The following STXBP5 variants were observed in gnomAD, a reference collection of about 807,000 sequenced individuals.
STXBP5 encodes the protein syntaxin-binding protein 5.
A neutral mutation model predicts 152.4 loss-of-function variants in STXBP5; 50 were observed. The ratio of observed to expected loss-of-function variants is 0.33; its 90% CI spans 0.26 to 0.42. The LOEUF is 0.42. STXBP5 is among the 10% of genes least tolerant of loss of function. The pLI, the probability that STXBP5 is intolerant of heterozygous loss-of-function variation, is 1.00. For missense variants in STXBP5, 1,167 were observed against 1,388.6 expected, an observed-to-expected ratio of 0.84 and a Z score of 2.54; for synonymous variants, 492 against 494.7, an observed-to-expected ratio of 0.99 and a Z score of 0.07.
chr6:147,265,865 A>C (rs1318122333), intron 6 of STXBP5, among the ~76,000 whole-genome samples: 1 of 152,102 alleles, frequency 6.6e-6, no homozygotes, highest in Non-Finnish European at 1.5e-5. Flanking sequence ...CGATAATTCA[A>C]ATAAGGAAAA....
At chr6:147,332,651 G>A (rs1783633307) in intron 18 of STXBP5, among the ~76,000 whole-genome samples, 2 of 152,154 alleles carry the variant, frequency 1.3e-5, no homozygotes, top group Non-Finnish European at 2.9e-5. Context: ...AGAGGTAACA[G>A]GATACAGTAT....
At position 147,390,208 on chromosome 6, in the gene STXBP5, C is replaced by T. The variant is rs1786526864; in HGVS notation, c.*5453C>T. ...GTATTGTTTCATCTAAAAAGAAAAGCACTATTGGAAACACTAAAAACGTGT... is the reference window on the plus strand; with the variant it reads ...GTATTGTTTCATCTAAAAAGAAAAGTACTATTGGAAACACTAAAAACGTGT... On this transcript the variant is annotated 3_prime_UTR_variant, in exon 28 of 28. Coordinates refer to ENST00000321680, the MANE Select transcript of STXBP5 (RefSeq NM_001127715.4). 6.6e-6 allele frequency: 1 copy of T among 151,890 alleles called. No individual in the cohort carries two copies. The highest frequency in any genetic ancestry group is 6.6e-5 in the Admixed American group (1 of 15,218). 9.4% of individuals were successfully genotyped at this position (151,890 alleles called of 1,614,324 possible).
At chr6:147,242,714 C>G (rs142595980) in intron 4 of STXBP5, among the ~76,000 whole-genome samples, 1 of 152,270 alleles carries the variant, frequency 6.6e-6, no homozygotes, top group African/African-American at 2.4e-5. Flanking sequence ...CTGTACTATA[C>G]AGCCTAGGTG....
At chr6:147,366,494 A>C (rs1332675688) in intron 25 of STXBP5, among the ~76,000 whole-genome samples, 1 of 152,186 alleles carries the variant, frequency 6.6e-6, no homozygotes, top group African/African-American at 2.4e-5. Flanking sequence ...CTCCCTCCAG[A>C]GGCTCTAAAA....
chr6:147,225,624 T>G (rs1318091048), intron 2 of STXBP5, among the ~76,000 whole-genome samples: 1 of 152,218 alleles, frequency 6.6e-6, no homozygotes, highest in Non-Finnish European at 1.5e-5. Flanking sequence ...AAGTAGAGGT[T>G]GTCAGAATAT....
chr6:147,318,177 A>G (rs910525585), intron 16 of STXBP5, among the ~76,000 whole-genome samples: 8 of 152,294 alleles, frequency 5.3e-5, no homozygotes, highest in African/African-American at 1.2e-4. Flanking sequence ...AACACCATCA[A>G]TGCACTGCTT....
chr6:147,287,351 C>T (rs984910665), intron 8 of STXBP5, among the ~76,000 whole-genome samples: 15 of 150,630 alleles, frequency 1.0e-4, no homozygotes, highest in South Asian at 4.2e-4. Context: ...TACAGGCGCC[C>T]GCCACTACGC....
chr6:147,282,458 T>G (rs562932451), intron 8 of STXBP5, among the ~76,000 whole-genome samples: 360 of 152,326 alleles, frequency 2.4e-3, no homozygotes, highest in African/African-American at 8.1e-3. Flanking sequence ...TCCTTTTCTC[T>G]GAGACTTAAG....
intron 2 of STXBP5, among the ~76,000 whole-genome samples, chr6:147,218,704 C>T (rs1055057179): frequency 3.3e-5 from 5 of 152,198 alleles, no homozygotes; most frequent in Admixed American, 6.5e-5. Flanking sequence ...TTGTCTTGAA[C>T]TCCTGGGCTG....
At chr6:147,315,874 CTT>C (rs1782617325) in intron 15 of STXBP5, 139 bp downstream of exon 15, 1 of 723,090 alleles carries the variant, frequency 1.4e-6, no homozygotes, top group Non-Finnish European at 2.3e-6. Flanking sequence ...TATTATCTCT[CTT>C]TTGTAAAAAA....
intron 9 of STXBP5, among the ~76,000 whole-genome samples, chr6:147,305,620 T>C (rs1244281952): frequency 6.6e-6 from 1 of 152,212 alleles, no homozygotes; most frequent in African/African-American, 2.4e-5. Context: ...TAGGAGAGTG[T>C]GAATTTCTAT....
At chr6:147,260,348 T>C (rs1183941088) in intron 4 of STXBP5, among the ~76,000 whole-genome samples, 1 of 152,094 alleles carries the variant, frequency 6.6e-6, no homozygotes, top group African/African-American at 2.4e-5. Context: ...GTTACGCAGT[T>C]AGTGGAGGAC....
chr6:147,204,431 C>T lies in STXBP5; in HGVS notation c.-102C>T. 8.7e-7 allele frequency: 1 copy of T among 1,151,340 alleles called. No individual in the cohort carries two copies. The highest frequency in any genetic ancestry group is 1.2e-6 in the Non-Finnish European group (1 of 803,586). 71.3% of individuals were successfully genotyped at this position (1,151,340 alleles called of 1,614,324 possible). A position where few individuals can be genotyped will look rare whatever the true frequency, so the allele number is the denominator to read the frequency against. On this transcript the variant is annotated 5_prime_UTR_variant, in exon 1 of 28. Transcript: ENST00000321680. This position sits in a 1 kb window ranked among gnomAD's most constrained non-coding sequence, Gnocchi z 4.3. The stretch of plus-strand genomic sequence containing the variant: ...TCCTTACCCTCACACTCCCACTCCT[C>T]CGTTTCCGCGGTCGAAGCTGCCTTC...
Position 147,374,395 on chromosome 6 carries a change from G to C in STXBP5, c.3193+553G>C, listed in dbSNP as rs1785710513. 2.0e-5 allele frequency among the ~76,000 whole-genome samples: 3 copies of C among 151,716 alleles called. No homozygotes were observed. In the South Asian group the frequency reaches 6.2e-4, roughly 32 times the overall value. On this transcript the variant is annotated intron_variant, in intron 26 of 27. Coordinates refer to ENST00000321680, the MANE Select transcript of STXBP5 (RefSeq NM_001127715.4). ...TGATTTTTTTTTTCTAAAATATTTA[G>C]AATTGTTTCATGTTTGTTTGACTAA...
intron 2 of STXBP5, among the ~76,000 whole-genome samples, chr6:147,224,786 A>T (rs1253734349): frequency 1.3e-5 from 2 of 152,206 alleles, no homozygotes; most frequent in Non-Finnish European, 2.9e-5. Flanking sequence ...TTATGTTCAC[A>T]CAAAATAAAG....
intron 18 of STXBP5, among the ~76,000 whole-genome samples, chr6:147,330,937 T>C (rs541508859): frequency 6.6e-6 from 1 of 152,358 alleles, no homozygotes; most frequent in South Asian, 2.1e-4. Flanking sequence ...TGTCTATAGC[T>C]GCTTTTGTGC....
intron 2 of STXBP5, among the ~76,000 whole-genome samples, chr6:147,224,357 G>A (rs894573818): frequency 6.6e-6 from 1 of 152,210 alleles, no homozygotes; most frequent in Admixed American, 6.5e-5. Flanking sequence ...CAGCCGGGAG[G>A]CAGAGGTCGT....
At chr6:147,282,532 G>T (rs1780750518) in intron 8 of STXBP5, among the ~76,000 whole-genome samples, 2 of 152,194 alleles carry the variant, frequency 1.3e-5, no homozygotes, top group East Asian at 1.9e-4. Flanking sequence ...TAGTGAATAT[G>T]TGAAAATTAA....
intron 22 of STXBP5, among the ~76,000 whole-genome samples, chr6:147,357,716 A>G (rs1420835308): frequency 6.6e-6 from 1 of 152,130 alleles, no homozygotes; most frequent in East Asian, 1.9e-4. Context: ...AGGGCTTGGC[A>G]TGCCATCAGA....
Sources: allele counts gnomAD v4.1 joint callset (sites outside exome capture counted in the v4.1 genomes callset), GRCh38; gene constraint gnomAD v4.1.1; non-coding constraint Gnocchi (gnomAD v3.1); transcripts MANE v1.5; gene names NCBI Gene and HGNC (gene_info 2026-07-23, HGNC 2026-07-21).